ELAVL2: variants seen among roughly 807,000 people sequenced by gnomAD.
ELAVL2 encodes ELAV-like protein 2.
In ELAVL2, 4 loss-of-function variants were observed where a neutral mutation model predicts 34.6. That is an observed-to-expected ratio of 0.12 (90% CI 0.06 to 0.26). The LOEUF (loss-of-function observed/expected upper bound fraction) is 0.26, where lower values mean the gene tolerates loss of function less well. Among genes scored for constraint, ELAVL2 ranks in the 10% least tolerant of loss-of-function variants. ELAVL2 has a pLI of 1.00. For missense variants in ELAVL2, 432 were observed against 442.8 expected (o/e 0.98, Z 0.22); for synonymous variants, 193 against 154.8 (o/e 1.25, Z -1.83).
At chr9:23,845,274 AT>A in the ELAVL2 span, among the ~76,000 whole-genome samples, 2 of 151,756 alleles carry the variant, frequency 1.3e-5, no homozygotes, top group South Asian at 4.1e-4. Context: ...ATATAGACAG[AT>A]TTGTGCACTT....
intron 3 of ELAVL2, among the ~76,000 whole-genome samples, chr9:23,711,759 C>T (rs1368149960): frequency 6.6e-6 from 1 of 152,176 alleles, no homozygotes; most frequent in East Asian, 1.9e-4. Context: ...TTTCTTGTGA[C>T]TGACTTAACC....
chr9:23,695,155 G>A (rs2034688512), intron 5 of ELAVL2, among the ~76,000 whole-genome samples: 1 of 152,078 alleles, frequency 6.6e-6, no homozygotes. Context: ...ACAACTACCA[G>A]CAATAAAGAC....
At chr9:23,816,512 T>G (rs942767185) in intron 1 of ELAVL2, among the ~76,000 whole-genome samples, 6 of 152,058 alleles carry the variant, frequency 3.9e-5, no homozygotes, top group Non-Finnish European at 8.8e-5. Context: ...GAATATAAAT[T>G]TCCCTTTCAT....
chr9:23,773,204 A>G (rs759880639), intron 1 of ELAVL2, among the ~76,000 whole-genome samples: 2 of 152,216 alleles, frequency 1.3e-5, no homozygotes, highest in Admixed American at 6.5e-5. Context: ...AAGAATGTAT[A>G]TAAGAGTTAA....
intron 2 of ELAVL2, among the ~76,000 whole-genome samples, chr9:23,760,918 G>A (rs1481290207): frequency 6.6e-6 from 1 of 151,932 alleles, no homozygotes; most frequent in Non-Finnish European, 1.5e-5. Flanking sequence ...AACGATTAAC[G>A]GAATAGCTCA....
chr9:23,806,157 A>C (rs2062193339), intron 1 of ELAVL2, among the ~76,000 whole-genome samples: 1 of 152,240 alleles, frequency 6.6e-6, no homozygotes. Context: ...AATGTTTGCT[A>C]TAGTTTAAAT....
At chr9:23,789,775 C>T (rs952646752) in intron 1 of ELAVL2, among the ~76,000 whole-genome samples, 2 of 152,182 alleles carry the variant, frequency 1.3e-5, no homozygotes, top group African/African-American at 4.8e-5. Flanking sequence ...TTCTTAAAGA[C>T]AGCCCAGAGG....
chr9:23,814,839 G>C (rs1467622568), intron 1 of ELAVL2, among the ~76,000 whole-genome samples: 3 of 152,132 alleles, frequency 2.0e-5, no homozygotes, highest in African/African-American at 7.2e-5. Flanking sequence ...GCAGCTCAGA[G>C]AAAACAAGAT....
chr9:23,777,160 G>C (rs1203435150), intron 1 of ELAVL2, among the ~76,000 whole-genome samples: 1 of 152,158 alleles, frequency 6.6e-6, no homozygotes, highest in East Asian at 1.9e-4. Flanking sequence ...TAAGTACCAG[G>C]CAATATAGTC....
At chr9:23,772,935 C>G (rs2057558595) in intron 1 of ELAVL2, among the ~76,000 whole-genome samples, 1 of 152,112 alleles carries the variant, frequency 6.6e-6, no homozygotes, top group Non-Finnish European at 1.5e-5. Flanking sequence ...TTTGGTCCAC[C>G]TCTGCCTCTT....
chr9:23,699,939 C>T (rs1040424763), intron 5 of ELAVL2, among the ~76,000 whole-genome samples: 1 of 148,528 alleles, frequency 6.7e-6, no homozygotes, highest in African/African-American at 2.5e-5. Flanking sequence ...ACGGCAAAGG[C>T]CAACTTAAGT....
upstream of ELAVL2, chr9:23,829,727 G>A (rs2065439469): frequency 6.6e-6 from 1 of 152,198 alleles, no homozygotes; most frequent in African/African-American, 2.4e-5. Context: ...ATTGACACCA[G>A]TGTGAATTTA....
chr9:23,818,128 C>T (rs1265051421), intron 1 of ELAVL2, among the ~76,000 whole-genome samples: 1 of 152,158 alleles, frequency 6.6e-6, no homozygotes, highest in Non-Finnish European at 1.5e-5. Context: ...GTGAAGACTT[C>T]TACACCTGTA....
chr9:23,776,681 GA>G (rs1381222486), intron 1 of ELAVL2, among the ~76,000 whole-genome samples: 4 of 132,976 alleles, frequency 3.0e-5, no homozygotes, highest in Admixed American at 8.7e-5. Context: ...AAACCTTTAA[GA>G]ACCCGCAGCC....
At chr9:23,779,744 C>T (rs1001369546) in intron 1 of ELAVL2, among the ~76,000 whole-genome samples, 4 of 151,752 alleles carry the variant, frequency 2.6e-5, no homozygotes, top group African/African-American at 4.8e-5. Context: ...ACTTTCACAG[C>T]GCGGAAAGTT....
At chr9:23,699,086 A>T (rs941488981) in intron 5 of ELAVL2, among the ~76,000 whole-genome samples, 20 of 152,352 alleles carry the variant, frequency 1.3e-4, no homozygotes, top group Admixed American at 6.5e-5. Context: ...AGGAAAAAGA[A>T]TTTTCAAGTT....
At chr9:23,814,493 G>C (rs2063443759) in intron 1 of ELAVL2, among the ~76,000 whole-genome samples, 1 of 152,148 alleles carries the variant, frequency 6.6e-6, no homozygotes, top group Non-Finnish European at 1.5e-5. Context: ...GAGAAGGGAA[G>C]AGATGAAAGT....
Position 23,778,726 on chromosome 9 carries a change from G to A in ELAVL2, c.-15-16477C>T, listed in dbSNP as rs934339601. 3.9e-5 allele frequency among the ~76,000 whole-genome samples: 6 copies of A among 152,196 alleles called. No homozygotes were observed. The East Asian group carries it at 9.7e-4, about 25-fold the overall frequency. ...GGTTTTCCAAGGTCATCTAAACTGA[G>A]GATCTTTAATTGTAGACCTAATCAT... On this transcript the variant is annotated intron_variant, in intron 1 of 6. Coordinates refer to ENST00000397312, the MANE Select transcript of ELAVL2 (RefSeq NM_004432.5).
intron 3 of ELAVL2, among the ~76,000 whole-genome samples, chr9:23,728,850 T>C (rs1317695945): frequency 1.3e-5 from 2 of 152,034 alleles, no homozygotes; most frequent in Admixed American, 6.6e-5. Flanking sequence ...GTGGGCCAAA[T>C]TGAGGATGCC....
Sources: allele counts gnomAD v4.1 joint callset (sites outside exome capture counted in the v4.1 genomes callset), GRCh38; gene constraint gnomAD v4.1.1; transcripts MANE v1.5; gene names NCBI Gene and HGNC (gene_info 2026-07-23, HGNC 2026-07-21).